PCDH15: variants seen among roughly 807,000 people sequenced by gnomAD.
The protein encoded by PCDH15 is protocadherin-15.
A neutral mutation model predicts 178.5 loss-of-function variants in PCDH15; 129 were observed. The observed-to-expected ratio is 0.72, with a 90% CI of 0.63 to 0.84. The LOEUF (loss-of-function observed/expected upper bound fraction) is 0.84. Among genes scored for constraint, PCDH15 ranks in the 40% least tolerant of loss-of-function variants. The pLI, the probability that PCDH15 is intolerant of heterozygous loss-of-function variation, is 0.00. For missense variants in PCDH15, 2,230 were observed against 2,099.9 expected, an observed-to-expected ratio of 1.06 and a Z score of -1.21; for synonymous variants, 800 against 732.0, an observed-to-expected ratio of 1.09 and a Z score of -1.50.
intron 3 of PCDH15, among the ~76,000 whole-genome samples, chr10:54,501,182 A>G (rs2080648042): frequency 6.6e-6 from 1 of 151,884 alleles, no homozygotes; most frequent in African/African-American, 2.4e-5. Flanking sequence ...ATGTATACCT[A>G]TGTAACAAAT....
At chr10:55,614,731 C>T (rs1321437008) in intron 2 of PCDH15, among the ~76,000 whole-genome samples, 2 of 151,958 alleles carry the variant, frequency 1.3e-5, no homozygotes, top group African/African-American at 4.8e-5. Context: ...AACTTCAAAC[C>T]ATAGGTGTTT....
intron 2 of PCDH15, among the ~76,000 whole-genome samples, chr10:55,437,836 T>TC (rs1839079999): frequency 2.8e-5 from 4 of 144,190 alleles, no homozygotes; most frequent in Admixed American, 6.8e-5. Context: ...GCTTTTCTTT[T>TC]TTTTTTTTTT....
intron 1 of PCDH15, among the ~76,000 whole-genome samples, chr10:54,689,343 C>T (rs2095073048): frequency 6.6e-6 from 1 of 151,934 alleles, no homozygotes; most frequent in Admixed American, 6.6e-5. Flanking sequence ...ATGGTAACTA[C>T]CAAAGTCAAA....
chr10:54,509,150 T>C (rs997709699), intron 3 of PCDH15, among the ~76,000 whole-genome samples: 3 of 152,080 alleles, frequency 2.0e-5, no homozygotes, highest in African/African-American at 4.8e-5. Flanking sequence ...TTGACACTTA[T>C]TGATGGTCTA....
chr10:54,307,104 G>GTGTA (rs1369260057), intron 8 of PCDH15, among the ~76,000 whole-genome samples: 4 of 26,564 alleles, frequency 1.5e-4, no homozygotes, highest in South Asian at 3.1e-3. Flanking sequence ...GTGTGTGTGT[G>GTGTA]TATATATATA....
intron 13 of PCDH15, among the ~76,000 whole-genome samples, chr10:54,164,448 A>C (rs1053548777): frequency 6.6e-6 from 1 of 152,194 alleles, no homozygotes; most frequent in Non-Finnish European, 1.5e-5. Flanking sequence ...CCTTATGTAG[A>C]AGGATTTGCC....
intron 2 of PCDH15, among the ~76,000 whole-genome samples, chr10:55,613,673 C>A (rs927158893): frequency 2.6e-5 from 4 of 152,152 alleles, no homozygotes; most frequent in Admixed American, 6.6e-5. Flanking sequence ...TTAAATGAAT[C>A]TGTGAAAGTT....
chr10:54,212,898 C>T (rs1814686111), intron 10 of PCDH15, among the ~76,000 whole-genome samples: 1 of 152,142 alleles, frequency 6.6e-6, no homozygotes, highest in South Asian at 2.1e-4. Context: ...AAGGTAATCA[C>T]TTACCTTATC....
At chr10:54,707,468 C>T (rs111260134) in intron 1 of PCDH15, among the ~76,000 whole-genome samples, 2,924 of 152,162 alleles carry the variant, frequency 0.019, 86 homozygotes, top group African/African-American at 0.065. Flanking sequence ...TTGCCATTTG[C>T]AACAGCTACC....
intron 2 of PCDH15, among the ~76,000 whole-genome samples, chr10:54,660,615 C>T (rs1029499755): frequency 6.6e-6 from 1 of 152,012 alleles, no homozygotes; most frequent in African/African-American, 2.4e-5. Flanking sequence ...TTCTATGAAA[C>T]CAGTATCATC....
In PCDH15 at chr10:54,176,076, T is replaced by C. The variant is rs2047402680; in HGVS notation, c.1590+7368A>G. Among the ~76,000 whole-genome samples, 3 of 152,198 alleles carry C rather than the reference T, an allele frequency of 2.0e-5. No homozygotes were observed. The South Asian group carries it at 6.2e-4, about 32-fold the overall frequency. On this transcript the variant is annotated intron_variant, in intron 13 of 37. Coordinates refer to ENST00000644397, the MANE Select transcript of PCDH15 (RefSeq NM_001384140.1). ...ACTATGTGAGGTGATACTTAGTGTG[T>C]GATAGAATTCTTACGCCAAATAGAA...
chr10:54,960,570 C>T (rs1406135682), intron 2 of PCDH15, among the ~76,000 whole-genome samples: 1 of 151,970 alleles, frequency 6.6e-6, no homozygotes, highest in East Asian at 1.9e-4. Flanking sequence ...GTCAATATGT[C>T]CATAATAAAA....
intron 13 of PCDH15, 57 bp from the exon 14 acceptor site, chr10:54,153,350 T>C: frequency 1.3e-6 from 2 of 1,587,604 alleles, no homozygotes; most frequent in Non-Finnish European, 8.6e-7. Flanking sequence ...CACCACCATG[T>C]CGTTTTTTCC....
intron 1 of PCDH15, among the ~76,000 whole-genome samples, chr10:55,282,251 A>G (rs1842753700): frequency 6.6e-6 from 1 of 152,124 alleles, no homozygotes; most frequent in Non-Finnish European, 1.5e-5. Context: ...TCTTCCACAC[A>G]CTAAGCCTTT....
chr10:54,184,662 G>A (rs114445647), intron 12 of PCDH15, among the ~76,000 whole-genome samples: 4,605 of 151,740 alleles, frequency 0.03, 100 homozygotes, highest in Middle Eastern at 0.078. Flanking sequence ...CTACCTACTA[G>A]ATGCCTATAG....
At chr10:53,897,420 AATTTTAAAGTTTAAAAC>A (rs2082024674) in intron 26 of PCDH15, among the ~76,000 whole-genome samples, 1 of 152,244 alleles carries the variant, frequency 6.6e-6, no homozygotes, top group Admixed American at 6.5e-5. Flanking sequence ...TAGTTTAAAA[AATTTTAAAGTTTAAAAC>A]ATTTTATAAA....
chr10:54,163,052 T>C (rs2045875279), intron 13 of PCDH15, among the ~76,000 whole-genome samples: 1 of 152,084 alleles, frequency 6.6e-6, no homozygotes, highest in South Asian at 2.1e-4. Context: ...ATCCTGATGA[T>C]TTGTTCCTAG....
chr10:55,374,374 G>T (rs746481920), intron 2 of PCDH15, among the ~76,000 whole-genome samples: 4 of 152,076 alleles, frequency 2.6e-5, no homozygotes, highest in Non-Finnish European at 5.9e-5. Context: ...ATCTTGCTCT[G>T]TTTTTTCTCT....
chr10:55,551,622 T>G (rs1842005302), intron 2 of PCDH15, among the ~76,000 whole-genome samples: 1 of 151,758 alleles, frequency 6.6e-6, no homozygotes, highest in Admixed American at 6.6e-5. Context: ...CAAAACAAAT[T>G]AACCTCAATT....
Sources: allele counts gnomAD v4.1 joint callset (sites outside exome capture counted in the v4.1 genomes callset), GRCh38; gene constraint gnomAD v4.1.1; transcripts MANE v1.5; gene names NCBI Gene and HGNC (gene_info 2026-07-23, HGNC 2026-07-21).